The following SCLY variants were observed in gnomAD, a reference collection of about 807,000 sequenced individuals.
The protein encoded by SCLY is putative selenocysteine lyase.
In SCLY, 38 loss-of-function variants were observed where a neutral mutation model predicts 50.1. The ratio of observed to expected loss-of-function variants is 0.76; its 90% confidence interval spans 0.59 to 0.99. SCLY has a LOEUF of 0.99. Ranked by LOEUF, SCLY falls within the 50% of genes least tolerant of loss-of-function variation. SCLY has a pLI of 0.00. For missense variants in SCLY, 600 were observed against 620.0 expected (o/e 0.97, Z 0.34); for synonymous variants, 243 against 249.4 (o/e 0.97, Z 0.24).
chr2:238,093,445 TG>T (rs1218893534), intron 8 of SCLY: 3 of 245,058 alleles, frequency 1.2e-5, no homozygotes, highest in African/African-American at 4.4e-5. Context: ...GTCTGTCCCC[TG>T]CAAAGCCCTT....
chr2:238,068,120 AG>A lies in SCLY; in HGVS notation c.264del (p.Lys89AsnfsTer5), dbSNP rs779507169. 2 of 1,611,594 alleles carry A rather than the reference AG, an allele frequency of 1.2e-6. No homozygotes were observed. Among genetic ancestry groups the A allele is most frequent in the African/African-American group, 1.3e-5 (1 of 74,844 alleles). ...CTCGGGAAAGCCTCGCGAAGATGATAGGGGGGAAACCTCAAGATATAATCTT... is the reference window on the plus strand; with the variant it reads ...CTCGGGAAAGCCTCGCGAAGATGATAGGGGGAAACCTCAAGATATAATCTT... The part of the protein sequence containing the change: ...AARESLAKMI[G>X]GKPQDIIFTS... On this transcript the variant is annotated frameshift_variant, in exon 3 of 12. Coordinates refer to ENST00000254663, the MANE Select transcript of SCLY (RefSeq NM_016510.7). LOFTEE classifies it high-confidence loss of function.
At chr2:238,094,359 A>G in intron 9 of SCLY, 61 bp from the exon 10 acceptor site, 1 of 1,380,356 alleles carries the variant, frequency 7.2e-7, no homozygotes, top group Non-Finnish European at 1.0e-6. Context: ...CTAAATTTCA[A>G]ACAGTTGCTG....
intron 1 of SCLY, 26 bp downstream of exon 1, chr2:238,061,169 G>T: frequency 6.8e-7 from 1 of 1,469,702 alleles, no homozygotes. Flanking sequence ...GCAGGGCTGG[G>T]GAGCGGCCGG....
chr2:238,094,021 T>G (rs1458431101), intron 9 of SCLY, 77 bp downstream of exon 9: 3 of 1,283,394 alleles, frequency 2.3e-6, no homozygotes, highest in Non-Finnish European at 3.3e-6. Flanking sequence ...GGTGTGGTGC[T>G]CCCAGACCCC....
chr2:238,061,195 G>T, intron 1 of SCLY, 52 bp downstream of exon 1: 1 of 1,357,426 alleles, frequency 7.4e-7, no homozygotes. Flanking sequence ...GTCGCCGATT[G>T]TCCCGCGCGG....
Position 238,083,057 on chromosome 2 carries a change from G to A in SCLY, c.778-191G>A. The stretch of plus-strand genomic sequence containing the variant: ...GCACCTGCGCTGCCTCCTAGGTTGG[G>A]GTTCCACCCTGCCCCGAAGGCTTTT... On this transcript the variant is annotated intron_variant, in intron 6 of 11. Coordinates refer to ENST00000254663, the MANE Select transcript of SCLY (RefSeq NM_016510.7). The surrounding 1 kb of genome is among the most constrained non-coding windows in gnomAD (Gnocchi z 4.3). The A allele has an allele frequency of 1.5e-6, 1 of 675,522 alleles. No homozygotes were observed. The highest frequency in any genetic ancestry group is 1.5e-5 in the South Asian group (1 of 66,288). 41.8% of individuals were successfully genotyped at this position (675,522 alleles called of 1,614,324 possible).
intron 6 of SCLY, chr2:238,082,897 C>T (rs1438717403): frequency 1.5e-5 from 5 of 328,486 alleles, no homozygotes; most frequent in South Asian, 1.1e-4. Flanking sequence ...GTTCCAACCC[C>T]TCTCTATTTA....
At chr2:238,076,572 C>T (rs1443950927) in intron 4 of SCLY, among the ~76,000 whole-genome samples, 3 of 148,280 alleles carry the variant, frequency 2.0e-5, no homozygotes, top group Admixed American at 6.7e-5. Flanking sequence ...GTGTATTGTT[C>T]TGCGGAAGGC....
intron 8 of SCLY, chr2:238,093,547 G>A (rs2065391810): frequency 2.6e-6 from 1 of 387,850 alleles, no homozygotes. Context: ...CAACTGGTGG[G>A]TAGGAGTCTG....
chr2:238,099,078 A>C lies in SCLY; in HGVS notation c.*723A>C, dbSNP rs889425412. 7 of 360,034 alleles carry C rather than the reference A, an allele frequency of 1.9e-5. No individual in the cohort carries two copies. The highest frequency in any genetic ancestry group is 3.8e-5 in the Non-Finnish European group (7 of 182,744). 22.3% of individuals were successfully genotyped at this position (360,034 alleles called of 1,614,324 possible). On this transcript the variant is annotated 3_prime_UTR_variant, in exon 12 of 12. Coordinates refer to ENST00000254663, the MANE Select transcript of SCLY (RefSeq NM_016510.7). The stretch of plus-strand genomic sequence containing the variant: ...ATCAGGGCTGCGCACTTCCCTGTCC[A>C]CGGTCCCCAGGCCTTCCTGTCTTGT...
chr2:238,080,484 G>A (rs1292973151), intron 4 of SCLY: 1 of 152,278 alleles, frequency 6.6e-6, no homozygotes, highest in East Asian at 1.9e-4. Context: ...TGTCTCCCAG[G>A]AAAGGAAGGC....
rs1259006416 is a variant in SCLY, at chr2:238,098,231, T to A, written c.1214T>A (p.Val405Asp). 2 of 1,610,868 alleles carry A rather than the reference T, an allele frequency of 1.2e-6. No individual in the cohort carries two copies. Among genetic ancestry groups the A allele is most frequent in the South Asian group, 2.2e-5 (2 of 91,034 alleles). Reference sequence around the variant, plus strand: ...TCCCCAGTGCTGCTGAGCTACGGTGTCCCCTTCGACGTGGCCAGGAACGCG... The same window carrying A: ...TCCCCAGTGCTGCTGAGCTACGGTGACCCCTTCGACGTGGCCAGGAACGCG... ...QPSPVLLSYG[V>D]PFDVARNALR... Residue 405 changes from valine to aspartate, a missense_variant, in exon 12 of 12, where the codon GTC becomes GAC. By Grantham distance (152) the Val-to-Asp change is radical. Coordinates refer to ENST00000254663, the MANE Select transcript of SCLY (RefSeq NM_016510.7).
At chr2:238,073,602 G>A (rs1254190908) in intron 4 of SCLY, among the ~76,000 whole-genome samples, 1 of 152,118 alleles carries the variant, frequency 6.6e-6, no homozygotes, top group Non-Finnish European at 1.5e-5. Context: ...TGATACTATT[G>A]TAGATGGAAT....
At position 238,068,079 on chromosome 2, in the gene SCLY, GAT is replaced by G; in HGVS notation, c.220_221del (p.Ile74TyrfsTer27). On this transcript the variant is annotated frameshift_variant, in exon 3 of 12. Transcript: ENST00000254663. LOFTEE classifies it high-confidence loss of function. ...SPYSAGRKAK[D>X]IINAARESLA... is the part of the protein sequence containing the mutation. ...GGTCCCTCAAGGAAGAAAGGCCAAG[GAT>G]ATTATAAATGCAGCTCGGGAAAGCC... The G allele has an allele frequency of 6.2e-7, 1 of 1,612,218 alleles. No homozygotes were observed. The highest frequency in any genetic ancestry group is 1.1e-5 in the South Asian group (1 of 90,566).
At chr2:238,089,596 C>T (rs1482207925) in intron 7 of SCLY, among the ~76,000 whole-genome samples, 2 of 152,076 alleles carry the variant, frequency 1.3e-5, no homozygotes, top group Non-Finnish European at 2.9e-5. Context: ...TGAATGTAGC[C>T]CAACACAAAT....
In SCLY at chr2:238,066,060, C is replaced by T. The variant is rs2065068862; in HGVS notation, c.202+1591C>T. Among the ~76,000 whole-genome samples, 1 of 152,192 alleles carries T rather than the reference C, an allele frequency of 6.6e-6. No homozygotes were observed. The highest frequency in any genetic ancestry group is 6.5e-5 in the Admixed American group (1 of 15,272). On this transcript the variant is annotated intron_variant, in intron 2 of 11. Transcript: ENST00000254663. The surrounding 1 kb of genome is among the most constrained non-coding windows in gnomAD (Gnocchi z 4.1). ...TTTTACATACCTAAGATATTTATCACAGTCTTGCTTATAATAGCAAAACAA... is the reference window on the plus strand; with the variant it reads ...TTTTACATACCTAAGATATTTATCATAGTCTTGCTTATAATAGCAAAACAA...
At chr2:238,081,650 G>T in intron 4 of SCLY, 59 bp from the exon 5 acceptor site, 1 of 1,575,246 alleles carries the variant, frequency 6.3e-7, no homozygotes, top group Non-Finnish European at 8.7e-7. Context: ...CTGTTGGAAC[G>T]CAGTTTTGAG....
rs538533326 is a variant in SCLY, at chr2:238,098,359, T to G, written c.*4T>G. On this transcript the variant is annotated 3_prime_UTR_variant, in exon 12 of 12. Transcript: ENST00000254663. The stretch of plus-strand genomic sequence containing the variant: ...GCAGCTGGAGGACCAGGCCTAGCAC[T>G]GGGGCCGCCTTCCCCACCCCGCTTC... The G allele has an allele frequency of 1.5e-5, 24 of 1,584,852 alleles. No individual in the cohort carries two copies. The East Asian group carries it at 4.3e-4, about 28-fold the overall frequency.
At position 238,068,122 on chromosome 2, in the gene SCLY, G is replaced by T. The variant is rs747462994; in HGVS notation, c.260G>T (p.Gly87Val). 8 of 1,611,594 alleles carry T rather than the reference G, an allele frequency of 5.0e-6. No individual in the cohort carries two copies. The East Asian group carries it at 1.3e-4, about 27-fold the overall frequency. The change falls in exon 3 of 12, where the codon GGG becomes GTG. Residue 87 changes from glycine (G) to valine (V), a missense_variant. Gly to Val is a moderately radical substitution (Grantham distance 109). Coordinates refer to ENST00000254663, the MANE Select transcript of SCLY (RefSeq NM_016510.7). The stretch of plus-strand genomic sequence containing the variant: ...CGGGAAAGCCTCGCGAAGATGATAG[G>T]GGGGAAACCTCAAGATATAATCTTC... ...AARESLAKMIGGKPQDIIFTS... is the reference protein window; with the variant it reads ...AARESLAKMIVGKPQDIIFTS...
Sources: allele counts gnomAD v4.1 joint callset (sites outside exome capture counted in the v4.1 genomes callset), GRCh38; gene constraint gnomAD v4.1.1; non-coding constraint Gnocchi (gnomAD v3.1); transcripts MANE v1.5; gene names NCBI Gene and HGNC (gene_info 2026-07-23, HGNC 2026-07-21).